DSE: variants seen among roughly 807,000 people sequenced by gnomAD.
DSE encodes dermatan sulfate epimerase, also known as dermatan-sulfate epimerase.
DSE carries 36 observed loss-of-function variants against 84.4 expected under a neutral mutation model. That is an observed-to-expected ratio of 0.43 (90% CI 0.33 to 0.56). The LOEUF (loss-of-function observed/expected upper bound fraction) is 0.56, where lower values mean the gene tolerates loss of function less well. Among genes scored for constraint, DSE ranks in the 20% least tolerant of loss-of-function variants. The probability of loss-of-function intolerance (pLI) is 0.06; values close to 1 mark genes in which losing one functional copy is unlikely to be tolerated. For missense variants in DSE, 862 were observed against 1,169.6 expected (o/e 0.74, Z 3.84); for synonymous variants, 410 against 430.1 (o/e 0.95, Z 0.58).
At chr6:116,296,648 A>G (rs1270947494) in intron 2 of DSE, among the ~76,000 whole-genome samples, 1 of 152,202 alleles carries the variant, frequency 6.6e-6, no homozygotes. Context: ...AAAGGAGCAA[A>G]GACCCTGAGA....
intron 2 of DSE, chr6:116,279,911 G>A (rs1773408586): frequency 1.9e-6 from 3 of 1,578,508 alleles, no homozygotes; most frequent in Non-Finnish European, 2.6e-6. Context: ...CGCTCGCACC[G>A]CCCACCCTAC....
Position 116,438,331 on chromosome 6 carries a change from A to G in DSE, c.*986A>G, listed in dbSNP as rs1583241642. 3 of 152,618 alleles carry G rather than the reference A, an allele frequency of 2.0e-5. No homozygotes were observed. The highest frequency in any genetic ancestry group is 7.2e-5 in the African/African-American group (3 of 41,570). The allele number at this position is 152,618 out of a possible 1,614,324, so 9.5% of individuals were successfully genotyped here. ...TCCATTATATTCAAAATGCATTAACATTTTCCAAAATTTTTGAAGAGAGAT... is the reference window on the plus strand; with the variant it reads ...TCCATTATATTCAAAATGCATTAACGTTTTCCAAAATTTTTGAAGAGAGAT... On this transcript the variant is annotated 3_prime_UTR_variant, in exon 6 of 6. Coordinates refer to ENST00000644252, the MANE Select transcript of DSE (RefSeq NM_013352.4).
intron 2 of DSE, among the ~76,000 whole-genome samples, chr6:116,321,723 G>A (rs888010697): frequency 1.3e-5 from 2 of 152,066 alleles, no homozygotes; most frequent in African/African-American, 2.4e-5. Context: ...GCAGTGAGCC[G>A]AGATCGCGCC....
At chr6:116,297,272 A>G (rs952548799) in intron 2 of DSE, among the ~76,000 whole-genome samples, 1 of 152,028 alleles carries the variant, frequency 6.6e-6, no homozygotes, top group African/African-American at 2.4e-5. Context: ...GGAACATTCC[A>G]GCTTCCTCTC....
intron 2 of DSE, among the ~76,000 whole-genome samples, chr6:116,276,154 C>T (rs1162630535): frequency 1.3e-5 from 2 of 152,046 alleles, no homozygotes; most frequent in African/African-American, 4.8e-5. Flanking sequence ...AAGACTTTGG[C>T]AGAGGAATTA....
intron 2 of DSE, among the ~76,000 whole-genome samples, chr6:116,313,875 G>C (rs531634849): frequency 6.6e-6 from 1 of 152,052 alleles, no homozygotes; most frequent in African/African-American, 2.4e-5. Context: ...AGAGTTTTAG[G>C]ACTCACTATG....
intron 1 of DSE, among the ~76,000 whole-genome samples, chr6:116,380,942 C>T (rs1213965807): frequency 2.6e-5 from 4 of 152,148 alleles, no homozygotes; most frequent in Non-Finnish European, 4.4e-5. Context: ...TGCATCCTTC[C>T]TTCTTCACCT....
intron 2 of DSE, among the ~76,000 whole-genome samples, chr6:116,355,378 G>T (rs544091028): frequency 3.3e-4 from 50 of 152,248 alleles, no homozygotes; most frequent in African/African-American, 1.2e-3. Flanking sequence ...TAGAGCCTCA[G>T]GTTACTGCTT....
chr6:116,289,318 A>G (rs1300908401), intron 2 of DSE, among the ~76,000 whole-genome samples: 1 of 152,058 alleles, frequency 6.6e-6, no homozygotes, highest in East Asian at 1.9e-4. Flanking sequence ...TAAAGTCACT[A>G]TGAATCATAG....
At chr6:116,341,876 G>A (rs1015000853) in intron 2 of DSE, among the ~76,000 whole-genome samples, 2 of 152,182 alleles carry the variant, frequency 1.3e-5, no homozygotes, top group African/African-American at 4.8e-5. Flanking sequence ...CCAGTACCAT[G>A]CTGTTTTGGT....
At chr6:116,372,189 C>T (rs1374229613) in intron 1 of DSE, among the ~76,000 whole-genome samples, 4 of 152,202 alleles carry the variant, frequency 2.6e-5, no homozygotes, top group African/African-American at 9.7e-5. Context: ...AATTTCTCGG[C>T]CGGACGCAGT....
chr6:116,313,848 C>T (rs1775827636), intron 2 of DSE, among the ~76,000 whole-genome samples: 1 of 152,012 alleles, frequency 6.6e-6, no homozygotes, highest in African/African-American at 2.4e-5. Flanking sequence ...ATTTATTATG[C>T]CTATTTAAAT....
intron 2 of DSE, among the ~76,000 whole-genome samples, chr6:116,275,862 C>T (rs759098075): frequency 5.3e-5 from 8 of 150,406 alleles, no homozygotes; most frequent in Non-Finnish European, 1.2e-4. Context: ...TCTCCACTTT[C>T]ACAAAGTTTC....
chr6:116,304,134 AAAAG>A (rs1293702854), intron 2 of DSE, among the ~76,000 whole-genome samples: 2 of 151,952 alleles, frequency 1.3e-5, no homozygotes, highest in Non-Finnish European at 1.5e-5. Flanking sequence ...AAAAAAAAAA[AAAAG>A]AAAGAAAAAA....
At chr6:116,347,531 A>G (rs1481966041) in intron 2 of DSE, among the ~76,000 whole-genome samples, 3 of 152,366 alleles carry the variant, frequency 2.0e-5, no homozygotes. Context: ...TGACAAAAAC[A>G]AGAAATGGAG....
chr6:116,424,431 G>A (rs1446355475), intron 2 of DSE, among the ~76,000 whole-genome samples: 1 of 152,160 alleles, frequency 6.6e-6, no homozygotes, highest in African/African-American at 2.4e-5. Flanking sequence ...ACACCGAATG[G>A]TAACCAAATG....
chr6:116,362,502 C>A (rs998824327), intron 2 of DSE, among the ~76,000 whole-genome samples: 6 of 152,180 alleles, frequency 3.9e-5, no homozygotes, highest in Non-Finnish European at 8.8e-5. Flanking sequence ...AAAGAGAAAT[C>A]ACTCTATCTC....
At chr6:116,259,155 G>A in intron 2 of DSE, 1 of 981,836 alleles carries the variant, frequency 1.0e-6, no homozygotes. Flanking sequence ...GCTCGACGTA[G>A]ACCATGCGCC....
intron 2 of DSE, among the ~76,000 whole-genome samples, chr6:116,261,879 T>C (rs1772429844): frequency 4.6e-5 from 7 of 152,236 alleles, no homozygotes; most frequent in Admixed American, 4.6e-4. Context: ...TTTAGTTCTG[T>C]TTATGTGATG....
Sources: allele counts gnomAD v4.1 joint callset (sites outside exome capture counted in the v4.1 genomes callset), GRCh38; gene constraint gnomAD v4.1.1; transcripts MANE v1.5; gene names NCBI Gene and HGNC (gene_info 2026-07-23, HGNC 2026-07-21).